Variants in NRG1 observed in about 807,000 individuals in gnomAD.
NRG1 encodes the protein pro-neuregulin-1, membrane-bound isoform.
A neutral mutation model predicts 63.8 loss-of-function variants in NRG1; 18 were observed. That is an observed-to-expected ratio of 0.28 (90% CI 0.19 to 0.42). The LOEUF (loss-of-function observed/expected upper bound fraction) is 0.42, where lower values mean the gene tolerates loss of function less well. NRG1 is among the 10% of genes least tolerant of loss of function. The pLI, the probability that NRG1 is intolerant of heterozygous loss-of-function variation, is 1.00. For synonymous variants in NRG1, 302 were observed against 301.3 expected (o/e 1.00, Z -0.02); for missense variants, 762 against 814.7 (o/e 0.94, Z 0.79).
intron 1 of NRG1, among the ~76,000 whole-genome samples, chr8:31,673,956 C>T (rs1194255269): frequency 6.6e-6 from 1 of 152,046 alleles, no homozygotes; most frequent in Non-Finnish European, 1.5e-5. Context: ...TAACTGTTCC[C>T]ACTCCTAAAT....
chr8:31,843,051 G>T (rs2129607986), intron 1 of NRG1, among the ~76,000 whole-genome samples: 1 of 152,184 alleles, frequency 6.6e-6, no homozygotes, highest in Non-Finnish European at 1.5e-5. Flanking sequence ...AGGTTATTTT[G>T]CTCTGAAGAG....
At position 31,740,073 on chromosome 8, in the gene NRG1, G is replaced by A. The variant is rs188327278; in HGVS notation, c.37+100642G>A. Among the ~76,000 whole-genome samples, 587 of 151,646 alleles carry A rather than the reference G, an allele frequency of 3.9e-3. 1 individual carries two copies. Among genetic ancestry groups the A allele is most frequent in the South Asian group, 0.019 (90 of 4,816 alleles). ...TGTTGCAGCTGATATCATTTGCCTT[G>A]TGGGAAAAAAAAATGAGGCTGTTTT... On this transcript the variant is annotated intron_variant, in intron 1 of 10. Transcript: ENST00000519301.
intron 1 of NRG1, among the ~76,000 whole-genome samples, chr8:32,526,394 G>C (rs549869640): frequency 2.0e-5 from 3 of 152,164 alleles, no homozygotes; most frequent in Non-Finnish European, 4.4e-5. Context: ...CAACAAAATA[G>C]AAGTCACTAT....
intron 3 of NRG1, among the ~76,000 whole-genome samples, chr8:32,611,699 TAAATCTTTTA>T (rs1780275269): frequency 6.6e-6 from 1 of 152,094 alleles, no homozygotes; most frequent in Non-Finnish European, 1.5e-5. Context: ...TGTCCACTTT[TAAATCTTTTA>T]AAGAAATCAC....
chr8:31,917,049 GTTGT>G (rs1335778740), intron 1 of NRG1, among the ~76,000 whole-genome samples: 2 of 151,034 alleles, frequency 1.3e-5, no homozygotes, highest in Non-Finnish European at 2.9e-5. Flanking sequence ...TTTTGATGTG[GTTGT>G]TTGTTTTTTT....
intron 1 of NRG1, among the ~76,000 whole-genome samples, chr8:32,471,502 C>G (rs1023468433): frequency 6.6e-6 from 1 of 151,936 alleles, no homozygotes. Context: ...GTGAAGTACC[C>G]TTTTTAAAAT....
intron 1 of NRG1, among the ~76,000 whole-genome samples, chr8:31,774,634 C>T (rs1013840122): frequency 6.6e-6 from 1 of 152,154 alleles, no homozygotes; most frequent in Admixed American, 6.5e-5. Flanking sequence ...TTCTCCAATT[C>T]TGTAGGTTGT....
chr8:32,274,783 T>A (rs1185415254), intron 1 of NRG1, among the ~76,000 whole-genome samples: 2 of 152,126 alleles, frequency 1.3e-5, no homozygotes, highest in African/African-American at 2.4e-5. Flanking sequence ...GCTATTTTAA[T>A]TTTTTTCCAG....
intron 1 of NRG1, among the ~76,000 whole-genome samples, chr8:32,307,770 G>T (rs543402085): frequency 6.6e-6 from 1 of 152,142 alleles, no homozygotes; most frequent in Non-Finnish European, 1.5e-5. Context: ...GGTGAAAGCG[G>T]TGAGCATGGC....
intron 1 of NRG1, among the ~76,000 whole-genome samples, chr8:32,510,176 A>G (rs1159398448): frequency 6.6e-6 from 1 of 151,400 alleles, no homozygotes; most frequent in African/African-American, 2.4e-5. Context: ...AGAGACAGAA[A>G]GAAAAAAGAA....
In NRG1 at chr8:31,805,811, G is replaced by A. The variant is rs538508034; in HGVS notation, c.37+166380G>A. Among the ~76,000 whole-genome samples the A allele has an allele frequency of 9.7e-4, 126 of 129,954 alleles. 1 individual carries two copies. Among genetic ancestry groups the A allele is most frequent in the Non-Finnish European group, 1.7e-3 (109 of 63,780 alleles). 85.3% of individuals were successfully genotyped at this position (129,954 alleles called of 152,430 possible). A position where few individuals can be genotyped will look rare whatever the true frequency, so the allele number is the denominator to read the frequency against. ...CCAGGGCACTCCAGCCTGGGCAACC[G>A]AGCGGGACTCCGTCTCAAAAAAAAA... On this transcript the variant is annotated intron_variant, in intron 1 of 10. Coordinates refer to the NRG1 transcript ENST00000519301.
chr8:32,351,413 C>T (rs1431112750), intron 1 of NRG1, among the ~76,000 whole-genome samples: 1 of 152,194 alleles, frequency 6.6e-6, no homozygotes, highest in Non-Finnish European at 1.5e-5. Context: ...TAACCAAAAT[C>T]TTTCGGGGTA....
intron 1 of NRG1, among the ~76,000 whole-genome samples, chr8:32,376,052 A>G: frequency 6.6e-6 from 1 of 152,228 alleles, no homozygotes; most frequent in Admixed American, 6.5e-5. Flanking sequence ...ATTTTATGGA[A>G]TAATCATATT....
intron 1 of NRG1, among the ~76,000 whole-genome samples, chr8:31,970,046 A>T (rs999220337): frequency 3.9e-5 from 6 of 152,194 alleles, no homozygotes; most frequent in African/African-American, 1.4e-4. Flanking sequence ...ATAATTTGGT[A>T]ATTTCCTCTT....
chr8:32,222,664 T>G (rs537250204), intron 1 of NRG1, among the ~76,000 whole-genome samples: 1 of 152,310 alleles, frequency 6.6e-6, no homozygotes, highest in South Asian at 2.1e-4. Context: ...AACCTTGATT[T>G]CCTTAATTTT....
At chr8:32,075,964 C>A (rs947104567) in intron 1 of NRG1, among the ~76,000 whole-genome samples, 1 of 152,104 alleles carries the variant, frequency 6.6e-6, no homozygotes, top group Non-Finnish European at 1.5e-5. Context: ...TGAACCACCG[C>A]GCTCGGCCAC....
chr8:32,048,267 G>GTA (rs142035661), intron 1 of NRG1, among the ~76,000 whole-genome samples: 1 of 150,066 alleles, frequency 6.7e-6, no homozygotes, highest in South Asian at 2.1e-4. Flanking sequence ...ATATATGTAT[G>GTA]TATATATATG....
chr8:32,036,490 G>A (rs1819079583), intron 1 of NRG1, among the ~76,000 whole-genome samples: 1 of 152,046 alleles, frequency 6.6e-6, no homozygotes, highest in African/African-American at 2.4e-5. Context: ...TGCTAGGTTG[G>A]GGAAGTTCTC....
intron 1 of NRG1, among the ~76,000 whole-genome samples, chr8:32,561,361 C>T (rs1836361140): frequency 6.6e-6 from 1 of 152,250 alleles, no homozygotes; most frequent in South Asian, 2.1e-4. Flanking sequence ...CTTTTTGTTC[C>T]TTCTTGCAGT....
Sources: gnomAD v4.1 joint callset for allele counts (sites outside exome capture counted in the v4.1 genomes callset) on GRCh38, gnomAD v4.1.1 for gene constraint, MANE v1.5 for transcripts, NCBI Gene and HGNC (gene_info 2026-07-23, HGNC 2026-07-21) for gene names.